The following CD82 variants were observed in gnomAD, a reference collection of about 807,000 sequenced individuals.
The protein encoded by CD82 is CD82 molecule, also known as CD82 antigen.
Under a neutral mutation model 37.4 loss-of-function variants are expected in CD82, and 36 were observed. The observed-to-expected ratio is 0.96, with a 90% CI of 0.74 to 1.27. The LOEUF is 1.27. Ranked by LOEUF, CD82 falls within the 50% of genes most tolerant of loss-of-function variation. The probability of loss-of-function intolerance (pLI) is 0.00; values close to 1 mark genes in which losing one functional copy is unlikely to be tolerated. For synonymous variants in CD82, 158 were observed against 137.4 expected, an observed-to-expected ratio of 1.15 and a Z score of -1.05; for missense variants, 340 against 347.0, an observed-to-expected ratio of 0.98 and a Z score of 0.16.
chr11:44,573,978 CA>C (rs1411037545), intron 1 of CD82, among the ~76,000 whole-genome samples: 1 of 152,152 alleles, frequency 6.6e-6, no homozygotes, highest in Non-Finnish European at 1.5e-5. Context: ...TGATGATGAG[CA>C]AAGGCTGCTC....
At chr11:44,605,862 A>G (rs190848722) in intron 6 of CD82, among the ~76,000 whole-genome samples, 1 of 152,372 alleles carries the variant, frequency 6.6e-6, no homozygotes, top group Non-Finnish European at 1.5e-5. Context: ...TTTAGCAACT[A>G]TTAAATCCAT....
chr11:44,616,043 T>C (rs1370491690), intron 7 of CD82, among the ~76,000 whole-genome samples: 1 of 152,170 alleles, frequency 6.6e-6, no homozygotes, highest in Non-Finnish European at 1.5e-5. Context: ...TCCCGGATGC[T>C]GCATGTGCCC....
intron 6 of CD82, chr11:44,606,820 A>G (rs1853403799): frequency 6.6e-6 from 1 of 152,344 alleles, no homozygotes; most frequent in Admixed American, 6.5e-5. Context: ...AACACCCACC[A>G]TCCCTCCAGT....
At chr11:44,603,459 A>G (rs1245681889) in intron 4 of CD82, among the ~76,000 whole-genome samples, 1 of 152,094 alleles carries the variant, frequency 6.6e-6, no homozygotes, top group African/African-American at 2.4e-5. Context: ...CTCCCTGCTG[A>G]TGGTAAAGGG....
At chr11:44,600,483 GT>G (rs2134666149) in intron 4 of CD82, among the ~76,000 whole-genome samples, 1 of 152,324 alleles carries the variant, frequency 6.6e-6, no homozygotes, top group African/African-American at 2.4e-5. Flanking sequence ...AGGGAGGCTT[GT>G]TTTCCCTTCC....
intron 1 of CD82, among the ~76,000 whole-genome samples, chr11:44,577,555 G>A (rs1852915433): frequency 6.6e-6 from 1 of 152,160 alleles, no homozygotes; most frequent in Admixed American, 6.5e-5. Flanking sequence ...GCATGCAGCT[G>A]AGTCTATGCA....
intron 2 of CD82, chr11:44,587,837 G>A (rs1853079370): frequency 6.1e-6 from 2 of 330,082 alleles, no homozygotes; most frequent in Admixed American, 3.8e-5. Context: ...GAAGAGGCCT[G>A]AGAACCGTCT....
chr11:44,604,903 C>G, intron 4 of CD82, 155 bp from the exon 5 acceptor site: 1 of 1,002,486 alleles, frequency 1.0e-6, no homozygotes, highest in Admixed American at 1.8e-5. Flanking sequence ...TGGGGGTGAC[C>G]TGGTTCCCTG....
At chr11:44,615,185 C>CG (rs942091939) in intron 6 of CD82, 87 bp from the exon 7 acceptor site, 11 of 835,636 alleles carry the variant, frequency 1.3e-5, no homozygotes, top group Admixed American at 1.9e-5. Flanking sequence ...CTGAGGGGAA[C>CG]GGGGGGAGGC....
At chr11:44,618,397 C>T (rs934728264) in intron 8 of CD82, 32 bp downstream of exon 8, 15 of 1,590,172 alleles carry the variant, frequency 9.4e-6, no homozygotes, top group Non-Finnish European at 1.2e-5. Flanking sequence ...GGGGGCGGGG[C>T]TCCGAGGGCG....
intron 2 of CD82, among the ~76,000 whole-genome samples, chr11:44,593,762 T>C (rs556403099): frequency 1.3e-5 from 2 of 152,292 alleles, no homozygotes; most frequent in South Asian, 2.1e-4. Flanking sequence ...CAGAGGTCCA[T>C]GAACTCCCAG....
chr11:44,594,745 TC>T lies in CD82; in HGVS notation c.63+22del, dbSNP rs763503761. 6.3e-7 allele frequency: 1 copy of T among 1,599,212 alleles called. No individual in the cohort carries two copies. The highest frequency in any genetic ancestry group is 8.6e-7 in the Non-Finnish European group (1 of 1,166,398). ...TTCTTTGTAAGTATGTCCCATGCCGTCCTGACCACCTCCGAAAAGATTCTCC... is the reference window on the plus strand; with the variant it reads ...TTCTTTGTAAGTATGTCCCATGCCGTCTGACCACCTCCGAAAAGATTCTCC... On this transcript the variant is annotated intron_variant, in intron 3 of 9. Coordinates refer to ENST00000227155, the MANE Select transcript of CD82 (RefSeq NM_002231.4).
At chr11:44,576,505 G>A (rs1306801189) in intron 1 of CD82, among the ~76,000 whole-genome samples, 5 of 152,228 alleles carry the variant, frequency 3.3e-5, no homozygotes, top group African/African-American at 4.8e-5. Context: ...GAGCCGGGAT[G>A]TGGAGTAAGC....
At position 44,618,143 on chromosome 11, in the gene CD82, T is replaced by G; in HGVS notation, c.439-19T>G. The stretch of plus-strand genomic sequence containing the variant: ...GGGTGAGCCGTGAGCACAAGCAGTC[T>G]GTCCCCTGCCTTGCCCAGGTGAAGT... On this transcript the variant is annotated intron_variant, in intron 7 of 9. Coordinates refer to ENST00000227155, the MANE Select transcript of CD82 (RefSeq NM_002231.4). 1 of 1,611,898 alleles carries G rather than the reference T, an allele frequency of 6.2e-7. No homozygotes were observed. The highest frequency in any genetic ancestry group is 1.3e-5 in the African/African-American group (1 of 75,010).
At chr11:44,590,508 G>T (rs1435850976) in intron 2 of CD82, among the ~76,000 whole-genome samples, 1 of 149,594 alleles carries the variant, frequency 6.7e-6, no homozygotes, top group Admixed American at 6.7e-5. Flanking sequence ...CTACTTGGGA[G>T]GCTGAGGCAG....
chr11:44,613,002 G>C (rs1471218565), intron 6 of CD82, among the ~76,000 whole-genome samples: 2 of 152,120 alleles, frequency 1.3e-5, no homozygotes, highest in African/African-American at 2.4e-5. Context: ...TGCAGGATAT[G>C]GGTTCTCTGA....
At chr11:44,589,738 TTCTC>T (rs902434620) in intron 2 of CD82, among the ~76,000 whole-genome samples, 4 of 152,234 alleles carry the variant, frequency 2.6e-5, no homozygotes, top group African/African-American at 9.6e-5. Context: ...ATCCTGTGTC[TTCTC>T]TCTCTAAGTC....
At position 44,583,959 on chromosome 11, in the gene CD82, C is replaced by T. The variant is rs546101564; in HGVS notation, c.-102-3516C>T. ...TCATGGGATCCTGTGACAGGGGACT[C>T]TTCCTTAATCTCTAAGACAAACAGG... On this transcript the variant is annotated intron_variant, in intron 1 of 9. Coordinates refer to ENST00000227155, the MANE Select transcript of CD82 (RefSeq NM_002231.4). Among the ~76,000 whole-genome samples the T allele has an allele frequency of 5.3e-5, 8 of 152,278 alleles. No homozygotes were observed. In the South Asian group the frequency reaches 1.7e-3, roughly 32 times the overall value.
At chr11:44,567,366 G>A (rs775690399) in intron 1 of CD82, among the ~76,000 whole-genome samples, 2 of 152,096 alleles carry the variant, frequency 1.3e-5, no homozygotes, top group South Asian at 2.1e-4. Flanking sequence ...TGGCGGCTGC[G>A]CTGTGTGCAG....
Sources: gnomAD v4.1 joint callset for allele counts (sites outside exome capture counted in the v4.1 genomes callset) on GRCh38, gnomAD v4.1.1 for gene constraint, MANE v1.5 for transcripts, NCBI Gene and HGNC (gene_info 2026-07-23, HGNC 2026-07-21) for gene names.